The following BRD10 variants were observed in gnomAD, a reference collection of about 807,000 sequenced individuals.
The protein encoded by BRD10 is uncharacterized bromodomain-containing protein 10.
chr9:5,961,955 G>GC, the BRD10 span, among the ~76,000 whole-genome samples: 1 of 95,896 alleles, frequency 1.0e-5, no homozygotes, highest in African/African-American at 2.9e-5. Flanking sequence ...ATTTTTTGAA[G>GC]GGTTTTTTGT....
chr9:5,884,201 A>G, the BRD10 span, among the ~76,000 whole-genome samples: 1 of 152,202 alleles, frequency 6.6e-6, no homozygotes. Flanking sequence ...ACAACAATAC[A>G]GGTAATCCTC....
At chr9:6,007,829 G>A in the BRD10 span, 7 of 1,415,772 alleles carry the variant, frequency 4.9e-6, no homozygotes, top group Non-Finnish European at 6.4e-6. Context: ...ACAGCCGCTC[G>A]AGGTGCTGGG....
At chr9:5,949,489 AG>A in the BRD10 span, among the ~76,000 whole-genome samples, 1 of 152,214 alleles carries the variant, frequency 6.6e-6, no homozygotes, top group Non-Finnish European at 1.5e-5. Flanking sequence ...GGAGAAGTAT[AG>A]TTTTTTCAGA....
chr9:5,886,954 G>A, the BRD10 span, among the ~76,000 whole-genome samples: 5 of 152,248 alleles, frequency 3.3e-5, no homozygotes, highest in African/African-American at 1.2e-4. Flanking sequence ...GGTCTCCCTC[G>A]TTGAGCTCAA....
chr9:5,907,185 A>G, the BRD10 span: 1 of 365,070 alleles, frequency 2.7e-6, no homozygotes, highest in Non-Finnish European at 4.8e-6. Context: ...AATAAATAAT[A>G]ATAAAAAACA....
chr9:5,966,774 A>G, the BRD10 span, among the ~76,000 whole-genome samples: 2 of 152,104 alleles, frequency 1.3e-5, no homozygotes, highest in Non-Finnish European at 2.9e-5. Flanking sequence ...CTAACATTTC[A>G]AAGTGAATTT....
the BRD10 span, among the ~76,000 whole-genome samples, chr9:5,940,927 C>T: frequency 1.3e-5 from 2 of 152,148 alleles, no homozygotes; most frequent in Non-Finnish European, 2.9e-5. Flanking sequence ...ATAAGACTTT[C>T]ATTTATCATC....
At chr9:5,912,329 G>T in the BRD10 span, among the ~76,000 whole-genome samples, 1,116 of 151,694 alleles carry the variant, frequency 7.4e-3, 8 homozygotes, top group Middle Eastern at 0.037. Flanking sequence ...GAATAATTTG[G>T]TCTTCTTTCT....
At chr9:5,993,816 G>A in the BRD10 span, among the ~76,000 whole-genome samples, 3 of 152,210 alleles carry the variant, frequency 2.0e-5, no homozygotes, top group Admixed American at 1.3e-4. Context: ...ACAGAGCACA[G>A]TGCACAAGGG....
chr9:5,920,349 G>T, the BRD10 span: 1 of 1,613,926 alleles, frequency 6.2e-7, no homozygotes, highest in Non-Finnish European at 8.5e-7. Context: ...GGTGCCAAAG[G>T]TGTACTGGTA....
At chr9:5,954,722 C>A in the BRD10 span, among the ~76,000 whole-genome samples, 4 of 152,142 alleles carry the variant, frequency 2.6e-5, no homozygotes, top group Non-Finnish European at 2.9e-5. Context: ...ATACTTAGAG[C>A]CAATTCACAG....
chr9:5,973,171 T>C, the BRD10 span, among the ~76,000 whole-genome samples: 1 of 152,206 alleles, frequency 6.6e-6, no homozygotes, highest in Non-Finnish European at 1.5e-5. Context: ...AGAATTCAAA[T>C]ACATGACAAC....
At chr9:5,890,354 T>C in the BRD10 span, among the ~76,000 whole-genome samples, 1 of 152,222 alleles carries the variant, frequency 6.6e-6, no homozygotes, top group African/African-American at 2.4e-5. Flanking sequence ...AAAAATATTG[T>C]ATGGGACATA....
chr9:5,964,007 T>C, the BRD10 span, among the ~76,000 whole-genome samples: 9 of 152,180 alleles, frequency 5.9e-5, 1 homozygote, highest in South Asian at 8.3e-4. Context: ...AAGGACTTCA[T>C]GTCCAAAACA....
At chr9:5,988,587 G>A in the BRD10 span, 71 of 1,486,986 alleles carry the variant, frequency 4.8e-5, 1 homozygote, top group South Asian at 7.7e-4. Context: ...AAATCTTCTG[G>A]ATAAGCAATA....
the BRD10 span, among the ~76,000 whole-genome samples, chr9:6,000,876 G>A: frequency 1.1e-4 from 17 of 152,096 alleles, no homozygotes; most frequent in Non-Finnish European, 2.4e-4. Context: ...TGGCTCCCTT[G>A]TATTTTTACT....
the BRD10 span, chr9:5,921,029 G>C: frequency 6.2e-7 from 1 of 1,613,890 alleles, no homozygotes; most frequent in Non-Finnish European, 8.5e-7. Flanking sequence ...ATTTGCTCCG[G>C]TAACTGAAAG....
the BRD10 span, among the ~76,000 whole-genome samples, chr9:5,989,116 G>C: frequency 6.6e-6 from 1 of 151,626 alleles, no homozygotes; most frequent in Admixed American, 6.6e-5. Flanking sequence ...TGTAATTCCA[G>C]CTACTCGGCA....
the BRD10 span, among the ~76,000 whole-genome samples, chr9:5,945,696 T>C: frequency 6.6e-6 from 1 of 152,062 alleles, no homozygotes; most frequent in Non-Finnish European, 1.5e-5. Context: ...GTAACAAAAA[T>C]ATTAGTAACT....
Sources: allele counts gnomAD v4.1 joint callset (sites outside exome capture counted in the v4.1 genomes callset), GRCh38; gene constraint gnomAD v4.1.1; transcripts MANE v1.5; gene names NCBI Gene and HGNC (gene_info 2026-07-23, HGNC 2026-07-21).